Variants in GALP observed in about 807,000 individuals in gnomAD.
GALP encodes the protein galanin-like peptide.
In GALP, 12 loss-of-function variants were observed where a neutral mutation model predicts 15.2. The ratio of observed to expected loss-of-function variants is 0.79; its 90% CI spans 0.51 to 1.28. The LOEUF (loss-of-function observed/expected upper bound fraction) is 1.28, where lower values mean the gene tolerates loss of function less well. Ranked by LOEUF, GALP falls within the 50% of genes most tolerant of loss-of-function variation. The probability of loss-of-function intolerance (pLI) is 0.00; values close to 1 mark genes in which losing one functional copy is unlikely to be tolerated. For synonymous variants in GALP, 58 were observed against 55.1 expected (o/e 1.05, Z -0.23); for missense variants, 161 against 145.6 (o/e 1.11, Z -0.55).
chr19:56,185,082 C>A (rs983137167), intron 5 of GALP, 133 bp from the exon 6 acceptor site: 3 of 614,540 alleles, frequency 4.9e-6, no homozygotes, highest in Non-Finnish European at 8.7e-6. Flanking sequence ...GGGCAGATCA[C>A]CTGAGGTCAG....
rs147138255 is a variant in GALP at position 56,177,135 on chromosome 19, C to T, written c.27C>T (p.Val9=). Reference sequence around the variant, plus strand: ...TGGCTCCTCCCTCCGTCCCCCTGGTCCTCCTCCTCGTCCTCTTGCTGAGCC... The same window carrying T: ...TGGCTCCTCCCTCCGTCCCCCTGGTTCTCCTCCTCGTCCTCTTGCTGAGCC... MAPPSVPL[V]LLLVLLLSLA... is the part of the protein sequence containing the mutation. The change falls in exon 2 of 6, where the codon GTC becomes GTT. Residue 9 remains valine (V), a synonymous_variant. Coordinates refer to ENST00000357330, the MANE Select transcript of GALP (RefSeq NM_033106.4). The T allele has an allele frequency of 1.7e-5, 27 of 1,613,380 alleles. No individual in the cohort carries two copies. Among genetic ancestry groups the T allele is most frequent in the Non-Finnish European group, 2.2e-5 (26 of 1,179,784 alleles).
intron 2 of GALP, among the ~76,000 whole-genome samples, chr19:56,179,460 A>C (rs2032524492): frequency 6.7e-6 from 1 of 149,888 alleles, no homozygotes. Context: ...GGCACCCGCC[A>C]CCACGCCCGG....
chr19:56,181,180 T>G (rs898073332), intron 3 of GALP, among the ~76,000 whole-genome samples: 8 of 151,584 alleles, frequency 5.3e-5, no homozygotes, highest in African/African-American at 7.3e-5. Context: ...CACTTACTTT[T>G]GGCCTCCCAA....
Position 56,183,183 on chromosome 19 carries a change from T to G in GALP, c.266T>G (p.Met89Arg). Reference protein sequence around the residue: ...HPPQPSKRNVMETFAKPEIGD... With the variant: ...HPPQPSKRNVRETFAKPEIGD... ...CCACAGCCCTCCAAGAGGAATGTGA[T>G]GGAGACGTTTGCCAAACCAGAGATT... Residue 89 changes from methionine (M) to arginine (R), a missense_variant, in exon 5 of 6, where the codon ATG becomes AGG. Physicochemically the swap from Met to Arg is moderately conservative, Grantham distance 91 (BLOSUM62 -1). Coordinates refer to ENST00000357330, the MANE Select transcript of GALP (RefSeq NM_033106.4). 6.2e-7 allele frequency: 1 copy of G among 1,613,792 alleles called. No individual in the cohort carries two copies. Among genetic ancestry groups the G allele is most frequent in the South Asian group, 1.1e-5 (1 of 91,058 alleles).
Position 56,182,190 on chromosome 19 carries a change from T to A in GALP, c.155T>A (p.Met52Lys), listed in dbSNP as rs182015294. Residue 52 changes from methionine to lysine, a missense_variant, in exon 4 of 6, where the codon ATG becomes AAG. By Grantham distance (95) the Met-to-Lys change is moderately conservative. Coordinates refer to ENST00000357330, the MANE Select transcript of GALP (RefSeq NM_033106.4). Reference protein sequence around the residue: ...LLGPVLHLPQMGDQDGKRETA... With the variant: ...LLGPVLHLPQKGDQDGKRETA... ...TACCCAGTCCTCCACCTTCCCCAAA[T>A]GGGTGACCAAGACGGAAAGAGGGAG... The A allele has an allele frequency of 6.2e-7, 1 of 1,613,856 alleles. No individual in the cohort carries two copies. The highest frequency in any genetic ancestry group is 8.5e-7 in the Non-Finnish European group (1 of 1,179,778).
chr19:56,182,162 C>T lies in GALP; in HGVS notation c.137-10C>T, dbSNP rs2032577379. On this transcript the variant is annotated splice_polypyrimidine_tract_variant and intron_variant, in intron 3 of 5. Coordinates refer to ENST00000357330, the MANE Select transcript of GALP (RefSeq NM_033106.4). ...GACCACCTGCTCTTGCTCTCTCCCT[C>T]CCTACCCAGTCCTCCACCTTCCCCA... is the stretch of plus-strand genomic sequence containing the variant. The T allele has an allele frequency of 6.2e-7, 1 of 1,608,310 alleles. No homozygotes were observed. The highest frequency in any genetic ancestry group is 2.2e-5 in the East Asian group (1 of 44,842).
intron 3 of GALP, among the ~76,000 whole-genome samples, chr19:56,181,340 G>A (rs1031550391): frequency 6.7e-6 from 1 of 150,240 alleles, no homozygotes; most frequent in African/African-American, 2.5e-5. Context: ...AACAATAGCT[G>A]GTGTGTAGTG....
chr19:56,180,672 G>A (rs773780537), intron 3 of GALP, 38 bp downstream of exon 3: 12 of 1,576,866 alleles, frequency 7.6e-6, no homozygotes, highest in Middle Eastern at 1.7e-4. Context: ...TCCCTGGCCC[G>A]AGTCTGCCTG....
rs957488437 is a variant in GALP at position 56,180,477 on chromosome 19, T to G, written c.88-109T>G. On this transcript the variant is annotated intron_variant, in intron 2 of 5. Coordinates refer to ENST00000357330, the MANE Select transcript of GALP (RefSeq NM_033106.4). ...GCAATGGGGATTGAAATGAACCTGC[T>G]CCACAGGCCAGTGGGAAAGTCGTAT... The G allele has an allele frequency of 6.8e-6, 6 of 879,484 alleles. No individual in the cohort carries two copies. In the African/African-American group the frequency reaches 8.2e-5, roughly 12 times the overall value. 54.5% of individuals were successfully genotyped at this position (879,484 alleles called of 1,614,324 possible).
chr19:56,183,022 C>A, intron 4 of GALP, 113 bp from the exon 5 acceptor site: 1 of 735,132 alleles, frequency 1.4e-6, no homozygotes, highest in Non-Finnish European at 2.4e-6. Context: ...CTGCTCCACC[C>A]TCGGGAAGGA....
intron 4 of GALP, among the ~76,000 whole-genome samples, chr19:56,182,746 T>TG (rs2032588182): frequency 6.6e-6 from 1 of 152,124 alleles, no homozygotes; most frequent in African/African-American, 2.4e-5. Context: ...TTAGTAGAGA[T>TG]GGGGTTTCAC....
intron 2 of GALP, among the ~76,000 whole-genome samples, chr19:56,179,769 C>T (rs1325983087): frequency 2.6e-5 from 4 of 151,790 alleles, no homozygotes; most frequent in Non-Finnish European, 5.9e-5. Context: ...TACAGGTGTG[C>T]GCCACCATGC....
At chr19:56,183,724 A>G (rs2122174520) in intron 5 of GALP, among the ~76,000 whole-genome samples, 1 of 152,236 alleles carries the variant, frequency 6.6e-6, no homozygotes, top group East Asian at 1.9e-4. Flanking sequence ...CAGCCTCCCG[A>G]GTAGCTGGGA....
At chr19:56,178,892 C>T (rs1037213099) in intron 2 of GALP, among the ~76,000 whole-genome samples, 3 of 152,114 alleles carry the variant, frequency 2.0e-5, no homozygotes, top group South Asian at 2.1e-4. Flanking sequence ...TGGAATCTAC[C>T]GGCCGGGCAC....
chr19:56,183,137 G>C lies in GALP; in HGVS notation c.220G>C (p.Gly74Arg), dbSNP rs151198103. The C allele has an allele frequency of 1.5e-5, 24 of 1,610,634 alleles. No homozygotes were observed. The African/African-American group carries it at 2.9e-4, about 20-fold the overall frequency. ...EILDLWKAID[G>R]LPYSHPPQPS... ...GAATGTTGTATTTTTGTTTCTAGAC[G>C]GGCTCCCCTACTCCCACCCTCCACA... Residue 74 changes from glycine to arginine, a missense_variant and splice_region_variant, in exon 5 of 6, where the codon GGG (glycine) becomes CGG (arginine). Gly to Arg is a moderately radical substitution (Grantham distance 125). Coordinates refer to ENST00000357330, the MANE Select transcript of GALP (RefSeq NM_033106.4).
Position 56,185,335 on chromosome 19 carries a change from C to CA in GALP, c.*65_*66insA. On this transcript the variant is annotated 3_prime_UTR_variant, in exon 6 of 6. Transcript: ENST00000357330. ...CCTCCTGCTCCCTCTGAAACCTTTTCTAGGTACCCTATGCTGAGACTAAGA... is the reference window on the plus strand; with the variant it reads ...CCTCCTGCTCCCTCTGAAACCTTTTCATAGGTACCCTATGCTGAGACTAAGA... The CA allele has an allele frequency of 1.1e-6, 1 of 934,660 alleles. No individual in the cohort carries two copies. The highest frequency in any genetic ancestry group is 1.7e-6 in the Non-Finnish European group (1 of 587,728). 57.9% of individuals were successfully genotyped at this position (934,660 alleles called of 1,614,324 possible).
At chr19:56,176,851 T>G (rs983492638) in intron 1 of GALP, among the ~76,000 whole-genome samples, 1 of 129,604 alleles carries the variant, frequency 7.7e-6, no homozygotes. Flanking sequence ...GCAGAAGGCA[T>G]GGGCGCTGGG....
chr19:56,183,342 C>T (rs2032598814), intron 5 of GALP, 130 bp downstream of exon 5: 2 of 726,270 alleles, frequency 2.8e-6, no homozygotes, highest in South Asian at 1.6e-5. Context: ...TCACCTGTAA[C>T]CACAGCCACT....
At chr19:56,179,539 C>T (rs867724619) in intron 2 of GALP, among the ~76,000 whole-genome samples, 31 of 151,272 alleles carry the variant, frequency 2.0e-4, no homozygotes, top group Non-Finnish European at 1.2e-4. Context: ...AGGATGGTCT[C>T]GATCTCCTGA....
Sources: allele counts gnomAD v4.1 joint callset (sites outside exome capture counted in the v4.1 genomes callset), GRCh38; gene constraint gnomAD v4.1.1; transcripts MANE v1.5; gene names NCBI Gene and HGNC (gene_info 2026-07-23, HGNC 2026-07-21).